Variants in MGMT observed in about 807,000 individuals in gnomAD.
The protein encoded by MGMT is methylated-DNA--protein-cysteine methyltransferase.
Under a neutral mutation model 15.9 loss-of-function variants are expected in MGMT, and 14 were observed. That is an observed-to-expected ratio of 0.88 (90% CI 0.58 to 1.37). The LOEUF (loss-of-function observed/expected upper bound fraction) is 1.37. Among genes scored for constraint, MGMT ranks in the 40% most tolerant of loss-of-function variants. The probability of loss-of-function intolerance (pLI) is 0.00; values close to 1 mark genes in which losing one functional copy is unlikely to be tolerated. For missense variants in MGMT, 282 were observed against 268.1 expected, an observed-to-expected ratio of 1.05 and a Z score of -0.36; for synonymous variants, 130 against 118.2, an observed-to-expected ratio of 1.10 and a Z score of -0.65.
At chr10:129,627,844 T>C (rs576075544) in intron 2 of MGMT, among the ~76,000 whole-genome samples, 2 of 152,306 alleles carry the variant, frequency 1.3e-5, no homozygotes, top group East Asian at 1.9e-4. Flanking sequence ...GTGAGTGTGA[T>C]TGTGGGCCAG....
chr10:129,480,568 A>G (rs553431217), intron 1 of MGMT, among the ~76,000 whole-genome samples: 1 of 152,328 alleles, frequency 6.6e-6, no homozygotes, highest in South Asian at 2.1e-4. Context: ...CCAGTATTCT[A>G]ACATTTTAAT....
At chr10:129,500,111 AC>A (rs1845560107) in intron 1 of MGMT, among the ~76,000 whole-genome samples, 1 of 152,086 alleles carries the variant, frequency 6.6e-6, no homozygotes, top group African/African-American at 2.4e-5. Context: ...TTGAATATGG[AC>A]TCACATTATA....
intron 2 of MGMT, among the ~76,000 whole-genome samples, chr10:129,617,229 C>T (rs1847038081): frequency 6.6e-6 from 1 of 152,168 alleles, no homozygotes. Context: ...ATCCATGTTG[C>T]TGCAAAGGAC....
intron 1 of MGMT, among the ~76,000 whole-genome samples, chr10:129,513,321 A>C (rs1845704503): frequency 6.6e-6 from 1 of 152,234 alleles, no homozygotes; most frequent in South Asian, 2.1e-4. Context: ...GGTGATGGAT[A>C]CACAACTTTG....
intron 2 of MGMT, among the ~76,000 whole-genome samples, chr10:129,702,915 G>A (rs1186847745): frequency 2.0e-5 from 3 of 152,296 alleles, no homozygotes; most frequent in South Asian, 2.1e-4. Flanking sequence ...GATAAGCGCC[G>A]CCGTGAGAGA....
At chr10:129,627,420 AAAG>A (rs150577693) in intron 2 of MGMT, among the ~76,000 whole-genome samples, 60,840 of 151,158 alleles carry the variant, frequency 0.4, 13,331 homozygotes, top group East Asian at 0.62. Context: ...TACTCAAAAA[AAAG>A]AAAGAAAGAA....
intron 2 of MGMT, among the ~76,000 whole-genome samples, chr10:129,584,439 G>GTTT (rs143383713): frequency 0.027 from 4,014 of 149,244 alleles, 86 homozygotes; most frequent in South Asian, 0.065. Flanking sequence ...GGCTTAATTT[G>GTTT]TTTTTTTTTT....
At chr10:129,470,456 G>A (rs939978258) in intron 1 of MGMT, among the ~76,000 whole-genome samples, 9 of 152,348 alleles carry the variant, frequency 5.9e-5, no homozygotes, top group African/African-American at 2.2e-4. Context: ...AATGAATATA[G>A]TATGGAATGT....
intron 1 of MGMT, among the ~76,000 whole-genome samples, chr10:129,508,356 G>A (rs1405994480): frequency 6.6e-6 from 1 of 152,132 alleles, no homozygotes; most frequent in Non-Finnish European, 1.5e-5. Context: ...AGGAAGAGAG[G>A]AGTCGTAGGG....
At chr10:129,736,105 C>T (rs2133166844) in intron 3 of MGMT, among the ~76,000 whole-genome samples, 1 of 133,732 alleles carries the variant, frequency 7.5e-6, no homozygotes, top group East Asian at 2.5e-4. Context: ...AGTTCAATTC[C>T]TGGGTATCCT....
intron 3 of MGMT, among the ~76,000 whole-genome samples, chr10:129,720,747 T>C (rs1349097198): frequency 6.6e-6 from 1 of 152,240 alleles, no homozygotes; most frequent in Non-Finnish European, 1.5e-5. Context: ...CTGCCAATGC[T>C]GTGACAATGA....
intron 2 of MGMT, among the ~76,000 whole-genome samples, chr10:129,704,905 C>G (rs1489701349): frequency 6.6e-6 from 1 of 152,194 alleles, no homozygotes; most frequent in African/African-American, 2.4e-5. Context: ...CGTCGCCGCC[C>G]CTGCTGTCGG....
intron 1 of MGMT, among the ~76,000 whole-genome samples, chr10:129,468,005 A>G (rs1360004612): frequency 6.6e-6 from 1 of 152,210 alleles, no homozygotes; most frequent in Non-Finnish European, 1.5e-5. Context: ...CAGACTTTGT[A>G]CATGTGTGTG....
intron 3 of MGMT, among the ~76,000 whole-genome samples, chr10:129,731,876 G>T (rs988183380): frequency 1.4e-4 from 21 of 152,158 alleles, no homozygotes; most frequent in African/African-American, 4.6e-4. Flanking sequence ...AGACAGCTGG[G>T]TTCTCAGATC....
chr10:129,542,235 G>A (rs550417778), intron 2 of MGMT, among the ~76,000 whole-genome samples: 41 of 152,216 alleles, frequency 2.7e-4, no homozygotes, highest in African/African-American at 9.4e-4. Flanking sequence ...ACCCTCAGCC[G>A]TGCATGGGGT....
intron 2 of MGMT, among the ~76,000 whole-genome samples, chr10:129,564,783 G>GC (rs1373415610): frequency 6.8e-6 from 1 of 146,634 alleles, no homozygotes; most frequent in East Asian, 2.1e-4. Context: ...TTCCTCACAC[G>GC]CCCCCCTCAG....
At chr10:129,473,880 G>A (rs886290720) in intron 1 of MGMT, among the ~76,000 whole-genome samples, 2 of 152,194 alleles carry the variant, frequency 1.3e-5, no homozygotes, top group African/African-American at 4.8e-5. Context: ...AACGACCAGG[G>A]CAGTGGGGCC....
intron 2 of MGMT, among the ~76,000 whole-genome samples, chr10:129,610,443 A>T (rs77094882): frequency 0.026 from 3,949 of 152,308 alleles, 81 homozygotes; most frequent in South Asian, 0.064. Context: ...GGGCCTTGGC[A>T]TGTGCCTGGA....
At chr10:129,604,820 G>C (rs909493930) in intron 2 of MGMT, among the ~76,000 whole-genome samples, 5 of 143,508 alleles carry the variant, frequency 3.5e-5, no homozygotes, top group Non-Finnish European at 6.0e-5. Context: ...CTTTACCCCA[G>C]TCTCAAAAAA....
Sources: gnomAD v4.1 joint callset for allele counts (sites outside exome capture counted in the v4.1 genomes callset) on GRCh38, gnomAD v4.1.1 for gene constraint, MANE v1.5 for transcripts, NCBI Gene and HGNC (gene_info 2026-07-23, HGNC 2026-07-21) for gene names.